Variants in TOGARAM1 observed in about 807,000 individuals in gnomAD.
TOGARAM1 encodes TOG array regulator of axonemal microtubules protein 1.
In TOGARAM1, 100 loss-of-function variants were observed where a neutral mutation model predicts 166.6. The ratio of observed to expected loss-of-function variants is 0.60; its 90% CI spans 0.51 to 0.71. TOGARAM1 has a LOEUF of 0.71. TOGARAM1 is among the 30% of genes least tolerant of loss of function. The probability of loss-of-function intolerance (pLI) is 0.00; values close to 1 mark genes in which losing one functional copy is unlikely to be tolerated. For missense variants in TOGARAM1, 2,029 were observed against 2,102.7 expected (o/e 0.96, Z 0.69); for synonymous variants, 758 against 763.8 (o/e 0.99, Z 0.13).
In TOGARAM1 at chr14:45,066,560, A is replaced by G. The variant is rs1212652840; in HGVS notation, c.4560-18A>G. 6.4e-7 allele frequency: 1 copy of G among 1,563,804 alleles called. No homozygotes were observed. Among genetic ancestry groups the G allele is most frequent in the African/African-American group, 1.4e-5 (1 of 73,242 alleles). ...GGAAAGTACAAATGAAATTACCTTC[A>G]CCTTTCTTTCACTTTAGAGCTGTAA... On this transcript the variant is annotated intron_variant, in intron 16 of 19. Transcript: ENST00000361462.
In TOGARAM1 at chr14:45,052,441, A is replaced by G. The variant is rs868499919; in HGVS notation, c.4319A>G (p.Tyr1440Cys). The change falls in exon 15 of 20, where the codon TAT becomes TGT. Residue 1440 changes from tyrosine to cysteine, a missense_variant. Physicochemically the swap from Tyr to Cys is radical, Grantham distance 194. Around this residue, in one of 2 missense-constraint regions of TOGARAM1, gnomAD observed 576 missense variants for 670.5 expected, o/e 0.86. Coordinates refer to ENST00000361462, the MANE Select transcript of TOGARAM1 (RefSeq NM_001308120.2). ...TGTTTTTCAAATACTCACAGGTATT[A>G]TGGTCGAAAGATGCTGTTCTTCATG... ...AQDSSQETRY[Y>C]GRKMLFFMMC... 1 of 1,611,004 alleles carries G rather than the reference A, an allele frequency of 6.2e-7. No homozygotes were observed. Among genetic ancestry groups the G allele is most frequent in the African/African-American group, 1.3e-5 (1 of 74,978 alleles).
Position 45,071,692 on chromosome 14 carries a change from T to C in TOGARAM1, c.4970-20T>C. ...GCTCATTACTCTTTAAACATGTGTC[T>C]CTGTGTTCTTTTTGTTTAGACAATT... On this transcript the variant is annotated intron_variant, in intron 18 of 19. Transcript: ENST00000361462. The C allele has an allele frequency of 1.3e-6, 2 of 1,557,878 alleles. No homozygotes were observed.
chr14:44,965,988 C>T (rs115217634), intron 1 of TOGARAM1, among the ~76,000 whole-genome samples: 6,971 of 151,248 alleles, frequency 0.046, 527 homozygotes, highest in African/African-American at 0.16. Context: ...GATTCTCCCA[C>T]CTCAGTGTCC....
intron 6 of TOGARAM1, among the ~76,000 whole-genome samples, chr14:45,011,664 G>GGATT (rs1354059670): frequency 2.0e-5 from 3 of 151,500 alleles, no homozygotes. Flanking sequence ...TTTTCCTTAG[G>GGATT]GATTATACAG....
At chr14:45,020,492 C>A (rs773420521) in intron 7 of TOGARAM1, among the ~76,000 whole-genome samples, 2 of 152,172 alleles carry the variant, frequency 1.3e-5, no homozygotes, top group African/African-American at 2.4e-5. Flanking sequence ...ACTGCCCATG[C>A]CAGTACCTAA....
At chr14:44,986,770 G>A (rs946788648) in intron 1 of TOGARAM1, among the ~76,000 whole-genome samples, 1 of 151,634 alleles carries the variant, frequency 6.6e-6, no homozygotes, top group African/African-American at 2.4e-5. Flanking sequence ...ACTTTGGGAG[G>A]CCCAGGCGGG....
intron 7 of TOGARAM1, among the ~76,000 whole-genome samples, chr14:45,021,175 G>C (rs1434522952): frequency 6.6e-6 from 1 of 152,186 alleles, no homozygotes; most frequent in Non-Finnish European, 1.5e-5. Context: ...TATGGGTGAA[G>C]TAAGTCCAAC....
At chr14:45,061,176 G>T (rs1181420920) in intron 16 of TOGARAM1, among the ~76,000 whole-genome samples, 1 of 151,990 alleles carries the variant, frequency 6.6e-6, no homozygotes, top group Non-Finnish European at 1.5e-5. Flanking sequence ...AAGACTAATG[G>T]ATTTCTATTT....
rs1357020291 is a variant in TOGARAM1, at chr14:44,986,445, A to G, written c.2047-9301A>G. Among the ~76,000 whole-genome samples the G allele has an allele frequency of 2.0e-5, 3 of 152,098 alleles. No individual in the cohort carries two copies. In the South Asian group the frequency reaches 6.2e-4, roughly 32 times the overall value. On this transcript the variant is annotated intron_variant, in intron 1 of 19. Coordinates refer to ENST00000361462, the MANE Select transcript of TOGARAM1 (RefSeq NM_001308120.2). Reference sequence around the variant, plus strand: ...GCTAGGACTACAGGCTGGGGCCAACATACCCAGCTAATTTTTTAATTTTTC... The same window carrying G: ...GCTAGGACTACAGGCTGGGGCCAACGTACCCAGCTAATTTTTTAATTTTTC...
In TOGARAM1 at chr14:45,008,960, A is replaced by T. The variant is rs1879625861; in HGVS notation, c.2952A>T (p.Arg984Ser). 2 of 1,613,980 alleles carry T rather than the reference A, an allele frequency of 1.2e-6. No homozygotes were observed. Among genetic ancestry groups the T allele is most frequent in the African/African-American group, 1.3e-5 (1 of 74,916 alleles). ...TTCGTAATAGTGCAGCTAAGAAAAG[A>T]GCAAAACTGAGTGGCAGTACTTCAG... is the stretch of plus-strand genomic sequence containing the variant. ...RSLRNSAAKK[R>S]AKLSGSTSDL... Residue 984 changes from arginine to serine, a missense_variant, in exon 6 of 20, where the codon AGA becomes AGT. By Grantham distance (110) the Arg-to-Ser change is moderately radical. This residue lies in a region of TOGARAM1 where 1,453 missense variants were observed against 1,432.2 expected (regional missense o/e 1.01). Transcript: ENST00000361462.
rs116610244 is a variant in TOGARAM1 at position 45,034,266 on chromosome 14, C to T, written c.3812+1890C>T. 3.1e-3 allele frequency among the ~76,000 whole-genome samples: 479 copies of T among 152,258 alleles called. 1 individual carries two copies. The highest frequency in any genetic ancestry group is 0.011 in the African/African-American group (463 of 41,554). ...CAGGAAACAAACCAGGTGAGCCCTA[C>T]AATTACCCAGCTTGCTTTCTGGAGA... On this transcript the variant is annotated intron_variant, in intron 11 of 19. Transcript: ENST00000361462.
intron 1 of TOGARAM1, among the ~76,000 whole-genome samples, chr14:44,970,960 A>G (rs1415285291): frequency 6.6e-6 from 1 of 151,866 alleles, no homozygotes; most frequent in Admixed American, 6.5e-5. Context: ...GAGGATTTTC[A>G]CATGTTTGTT....
intron 1 of TOGARAM1, among the ~76,000 whole-genome samples, chr14:44,986,812 C>A (rs979311059): frequency 6.6e-6 from 1 of 151,268 alleles, no homozygotes; most frequent in African/African-American, 2.4e-5. Flanking sequence ...TGAGAACATC[C>A]TGGCTAACAC....
intron 11 of TOGARAM1, among the ~76,000 whole-genome samples, chr14:45,043,481 T>C (rs1881829510): frequency 6.6e-6 from 1 of 152,110 alleles, no homozygotes; most frequent in African/African-American, 2.4e-5. Context: ...CAGCCCACAT[T>C]GCACTTTTAT....
intron 16 of TOGARAM1, among the ~76,000 whole-genome samples, chr14:45,057,486 G>T (rs1296839859): frequency 1.3e-5 from 2 of 152,042 alleles, no homozygotes; most frequent in African/African-American, 4.8e-5. Context: ...AAGTGTAGTG[G>T]CATCATCATA....
intron 1 of TOGARAM1, among the ~76,000 whole-genome samples, chr14:44,966,776 A>T (rs1885568202): frequency 6.6e-6 from 1 of 152,012 alleles, no homozygotes; most frequent in African/African-American, 2.4e-5. Flanking sequence ...CAACATAGTG[A>T]GATCCCCATC....
intron 13 of TOGARAM1, 144 bp downstream of exon 13, chr14:45,045,014 C>T: frequency 1.9e-6 from 1 of 538,988 alleles, no homozygotes; most frequent in Admixed American, 3.7e-5. Context: ...AAACATTATA[C>T]TACATGCCGA....
chr14:45,017,755 G>T (rs536758111), intron 7 of TOGARAM1, among the ~76,000 whole-genome samples: 34 of 152,234 alleles, frequency 2.2e-4, no homozygotes, highest in Non-Finnish European at 4.4e-5. Flanking sequence ...CGTGGTGGCA[G>T]GCACCTGTAA....
At chr14:45,020,351 C>T (rs998570008) in intron 7 of TOGARAM1, among the ~76,000 whole-genome samples, 9 of 152,160 alleles carry the variant, frequency 5.9e-5, no homozygotes, top group Non-Finnish European at 1.0e-4. Context: ...TAAAGCTCTT[C>T]GATTTTGAAG....
Sources: allele counts gnomAD v4.1 joint callset (sites outside exome capture counted in the v4.1 genomes callset), GRCh38; gene constraint gnomAD v4.1.1; regional missense constraint gnomAD v4.1.1; transcripts MANE v1.5; gene names NCBI Gene and HGNC (gene_info 2026-07-23, HGNC 2026-07-21).